MAD1L1: variants seen among roughly 807,000 people sequenced by gnomAD.
The protein encoded by MAD1L1 is mitotic spindle assembly checkpoint protein MAD1.
A neutral mutation model predicts 96.9 loss-of-function variants in MAD1L1; 95 were observed. The ratio of observed to expected loss-of-function variants is 0.98; its 90% CI spans 0.83 to 1.16. The LOEUF (loss-of-function observed/expected upper bound fraction) is 1.16. Ranked by LOEUF, MAD1L1 falls within the 50% of genes most tolerant of loss-of-function variation. MAD1L1 has a pLI of 0.00. For missense variants in MAD1L1, 1,007 were observed against 954.4 expected, an observed-to-expected ratio of 1.06 and a Z score of -0.73; for synonymous variants, 473 against 396.6, an observed-to-expected ratio of 1.19 and a Z score of -2.29.
At chr7:1,862,089 C>T (rs1784560487) in intron 18 of MAD1L1, among the ~76,000 whole-genome samples, 1 of 151,660 alleles carries the variant, frequency 6.6e-6, no homozygotes, top group African/African-American at 2.4e-5. Context: ...GGCTGGACAC[C>T]CCCACCCATT....
intron 15 of MAD1L1, among the ~76,000 whole-genome samples, chr7:1,973,959 G>A (rs908289107): frequency 2.0e-5 from 3 of 152,192 alleles, no homozygotes; most frequent in African/African-American, 7.2e-5. Flanking sequence ...CGCGCTCCCC[G>A]AGGGGCCACG....
intron 18 of MAD1L1, among the ~76,000 whole-genome samples, chr7:1,823,971 C>T (rs1308164568): frequency 2.0e-5 from 3 of 152,114 alleles, no homozygotes; most frequent in Admixed American, 2.0e-4. Context: ...AAGGAGCCCT[C>T]GGGGGAAGTT....
intron 10 of MAD1L1, among the ~76,000 whole-genome samples, chr7:2,183,857 C>T (rs1237173137): frequency 6.6e-6 from 1 of 151,856 alleles, no homozygotes; most frequent in Non-Finnish European, 1.5e-5. Context: ...ACATATGTAA[C>T]AAACCTGCAC....
At chr7:2,053,717 G>C (rs1390610977) in intron 12 of MAD1L1, among the ~76,000 whole-genome samples, 1 of 152,204 alleles carries the variant, frequency 6.6e-6, no homozygotes, top group African/African-American at 2.4e-5. Flanking sequence ...GGTGAAGCCA[G>C]GGAGCCTGTG....
chr7:1,957,759 A>G, intron 15 of MAD1L1, 40 bp from the exon 16 acceptor site: 2 of 1,600,948 alleles, frequency 1.2e-6, no homozygotes, highest in Non-Finnish European at 8.6e-7. Context: ...GTCCGAGGCC[A>G]GCCATGCTGG....
At chr7:1,860,931 A>C (rs1342805013) in intron 18 of MAD1L1, among the ~76,000 whole-genome samples, 1 of 151,842 alleles carries the variant, frequency 6.6e-6, no homozygotes, top group Non-Finnish European at 1.5e-5. Flanking sequence ...CAAATCTCCC[A>C]CCCAGTTCTG....
At chr7:2,022,241 G>C (rs1342971251) in intron 12 of MAD1L1, among the ~76,000 whole-genome samples, 1 of 152,242 alleles carries the variant, frequency 6.6e-6, no homozygotes, top group African/African-American at 2.4e-5. Flanking sequence ...GGGAGGCAAG[G>C]GGAATGGGCG....
At chr7:1,908,076 C>T (rs1787784485) in intron 17 of MAD1L1, among the ~76,000 whole-genome samples, 1 of 152,212 alleles carries the variant, frequency 6.6e-6, no homozygotes, top group South Asian at 2.1e-4. Flanking sequence ...TGCCCACACA[C>T]GGTCCCAACG....
At chr7:1,882,752 C>T (rs905272648) in intron 18 of MAD1L1, among the ~76,000 whole-genome samples, 2 of 152,246 alleles carry the variant, frequency 1.3e-5, no homozygotes, top group African/African-American at 4.8e-5. Flanking sequence ...CCCTCGCCCC[C>T]CTTCCCACCG....
chr7:2,228,535 G>A (rs1049716567), intron 3 of MAD1L1, among the ~76,000 whole-genome samples: 2 of 152,154 alleles, frequency 1.3e-5, no homozygotes, highest in East Asian at 1.9e-4. Flanking sequence ...TTATAGGCAT[G>A]AGCCACTGCA....
intron 18 of MAD1L1, among the ~76,000 whole-genome samples, chr7:1,818,261 C>T (rs566794257): frequency 3.0e-4 from 46 of 152,280 alleles, no homozygotes; most frequent in African/African-American, 1.0e-3. Flanking sequence ...GGCAACCTGG[C>T]TGGGCCTGAC....
At chr7:1,915,921 A>G (rs1243606809) in intron 17 of MAD1L1, among the ~76,000 whole-genome samples, 1 of 152,226 alleles carries the variant, frequency 6.6e-6, no homozygotes, top group Non-Finnish European at 1.5e-5. Flanking sequence ...GTTATACTTC[A>G]TCGAGATTTA....
intron 5 of MAD1L1, 50 bp from the exon 6 acceptor site, chr7:2,219,506 T>C (rs745645686): frequency 8.2e-6 from 13 of 1,592,380 alleles, no homozygotes; most frequent in Admixed American, 6.9e-5. Flanking sequence ...AGCCCGTGCG[T>C]GGAAGGAGCC....
rs916610459 is a variant in MAD1L1, at chr7:2,218,061, C to T, written c.597-18G>A. 1 of 1,594,478 alleles carries T rather than the reference C, an allele frequency of 6.3e-7. No individual in the cohort carries two copies. Among genetic ancestry groups the T allele is most frequent in the African/African-American group, 1.3e-5 (1 of 74,646 alleles). On this transcript the variant is annotated intron_variant, in intron 6 of 18. Coordinates refer to ENST00000265854, the MANE Select transcript of MAD1L1 (RefSeq NM_001013836.2). Reference sequence around the variant, plus strand: ...GGCATTTTCTATTGAAAGAAAAATACATCACACACAGAAACAGGCATGCGG... The same window carrying T: ...GGCATTTTCTATTGAAAGAAAAATATATCACACACAGAAACAGGCATGCGG...
intron 17 of MAD1L1, among the ~76,000 whole-genome samples, chr7:1,927,673 C>G (rs1789168858): frequency 6.6e-6 from 1 of 152,140 alleles, no homozygotes; most frequent in Non-Finnish European, 1.5e-5. Flanking sequence ...AAGCTCACAC[C>G]ATGGGCAAAA....
At chr7:1,901,443 G>A (rs1787238529) in intron 17 of MAD1L1, among the ~76,000 whole-genome samples, 1 of 152,216 alleles carries the variant, frequency 6.6e-6, no homozygotes, top group African/African-American at 2.4e-5. Flanking sequence ...GAGACCCCCA[G>A]GGTGAGAGGC....
At chr7:2,115,877 G>A (rs1259451693) in intron 11 of MAD1L1, among the ~76,000 whole-genome samples, 8 of 152,316 alleles carry the variant, frequency 5.3e-5, no homozygotes, top group South Asian at 4.1e-4. Context: ...AGAGCAGGGC[G>A]GGCTGTCCCA....
chr7:2,175,874 T>C lies in MAD1L1; in HGVS notation c.987-26636A>G, dbSNP rs1470357564. ...AAAGATTAAAAACAGATGGAAAAACTACAACGGTGAGAAATCAACCAAGTC... is the reference window on the plus strand; with the variant it reads ...AAAGATTAAAAACAGATGGAAAAACCACAACGGTGAGAAATCAACCAAGTC... On this transcript the variant is annotated intron_variant, in intron 10 of 18. Coordinates refer to ENST00000265854, the MANE Select transcript of MAD1L1 (RefSeq NM_001013836.2). 4.6e-5 allele frequency among the ~76,000 whole-genome samples: 7 copies of C among 152,092 alleles called. No homozygotes were observed. The East Asian group carries it at 1.2e-3, about 25-fold the overall frequency.
At chr7:1,931,114 G>A (rs1363179617) in intron 17 of MAD1L1, among the ~76,000 whole-genome samples, 1 of 108,384 alleles carries the variant, frequency 9.2e-6, no homozygotes, top group African/African-American at 3.8e-5. Flanking sequence ...TGGGGTCCAT[G>A]TCAAGGGTCT....
Sources: allele counts gnomAD v4.1 joint callset (sites outside exome capture counted in the v4.1 genomes callset), GRCh38; gene constraint gnomAD v4.1.1; transcripts MANE v1.5; gene names NCBI Gene and HGNC (gene_info 2026-07-23, HGNC 2026-07-21).